Variants in ALK observed in about 807,000 individuals in gnomAD.
ALK encodes the protein ALK tyrosine kinase receptor.
ALK carries 74 observed loss-of-function variants against 163.1 expected under a neutral mutation model. The ratio of observed to expected loss-of-function variants is 0.45; its 90% CI spans 0.38 to 0.55. The LOEUF (loss-of-function observed/expected upper bound fraction) is 0.55, where lower values mean the gene tolerates loss of function less well. Among genes scored for constraint, ALK ranks in the 20% least tolerant of loss-of-function variants. ALK has a pLI of 0.00. For synonymous variants in ALK, 960 were observed against 843.2 expected (o/e 1.14, Z -2.40); for missense variants, 2,063 against 2,105.3 (o/e 0.98, Z 0.39).
chr2:29,404,983 A>C (rs555879264), intron 4 of ALK, among the ~76,000 whole-genome samples: 2 of 152,346 alleles, frequency 1.3e-5, no homozygotes, highest in South Asian at 4.1e-4. Context: ...TTTAAAGCTC[A>C]AATGCCCTAG....
At chr2:29,411,132 A>G (rs149312119) in intron 4 of ALK, among the ~76,000 whole-genome samples, 139 of 152,330 alleles carry the variant, frequency 9.1e-4, no homozygotes, top group African/African-American at 3.2e-3. Flanking sequence ...AAACTAAGAC[A>G]CGAACATGCA....
chr2:29,837,637 G>C (rs1665595563), intron 1 of ALK, among the ~76,000 whole-genome samples: 1 of 152,178 alleles, frequency 6.6e-6, no homozygotes, highest in Non-Finnish European at 1.5e-5. Context: ...CTAGGTTAAA[G>C]ACTACTTTAG....
chr2:29,560,789 C>T (rs1004728166), intron 3 of ALK, among the ~76,000 whole-genome samples: 1 of 152,058 alleles, frequency 6.6e-6, no homozygotes, highest in Non-Finnish European at 1.5e-5. Flanking sequence ...CCAGGCTGGT[C>T]TCGAACTCCT....
chr2:29,299,414 A>G (rs1329485098), intron 8 of ALK, among the ~76,000 whole-genome samples: 1 of 152,236 alleles, frequency 6.6e-6, no homozygotes, highest in Admixed American at 6.5e-5. Context: ...ATGCTGGGTC[A>G]CATGAATTCT....
intron 3 of ALK, among the ~76,000 whole-genome samples, chr2:29,691,307 AC>A (rs1354633185): frequency 3.3e-5 from 5 of 152,022 alleles, no homozygotes; most frequent in Admixed American, 3.3e-4. Context: ...ACTCCATTAG[AC>A]CCCAGACAAA....
chr2:29,442,563 C>T (rs916524017), intron 4 of ALK, among the ~76,000 whole-genome samples: 2 of 152,110 alleles, frequency 1.3e-5, no homozygotes, highest in Non-Finnish European at 2.9e-5. Context: ...GGGTACTCTC[C>T]CTTAGCCTTT....
At chr2:29,662,074 T>C (rs1471364318) in intron 3 of ALK, among the ~76,000 whole-genome samples, 1 of 152,024 alleles carries the variant, frequency 6.6e-6, no homozygotes, top group Non-Finnish European at 1.5e-5. Flanking sequence ...CATGCCTGGC[T>C]AATTTGTTTG....
intron 4 of ALK, among the ~76,000 whole-genome samples, chr2:29,463,273 G>T (rs1259868998): frequency 6.6e-6 from 1 of 152,200 alleles, no homozygotes; most frequent in Non-Finnish European, 1.5e-5. Context: ...TGGATTGACT[G>T]TTGCAGCAAG....
chr2:29,369,440 G>A (rs150875425), intron 5 of ALK, among the ~76,000 whole-genome samples: 1 of 152,272 alleles, frequency 6.6e-6, no homozygotes, highest in African/African-American at 2.4e-5. Flanking sequence ...TTAGAGTAAG[G>A]ATGAAAAGAG....
intron 4 of ALK, among the ~76,000 whole-genome samples, chr2:29,402,967 G>T (rs1043778836): frequency 1.3e-5 from 2 of 152,068 alleles, no homozygotes; most frequent in Non-Finnish European, 2.9e-5. Flanking sequence ...GTGGCTCAAA[G>T]CAGCTGGTTG....
At chr2:29,594,498 G>A (rs971090095) in intron 3 of ALK, among the ~76,000 whole-genome samples, 1 of 145,886 alleles carries the variant, frequency 6.9e-6, no homozygotes, top group Non-Finnish European at 1.5e-5. Context: ...GCACAATCTC[G>A]GCTCACTGCA....
intron 20 of ALK, 79 bp downstream of exon 20, chr2:29,223,263 G>C (rs527268525): frequency 6.6e-7 from 1 of 1,519,236 alleles, no homozygotes; most frequent in Non-Finnish European, 9.0e-7. Flanking sequence ...TTTGTGGCTA[G>C]AGGAGTCTGC....
chr2:29,551,610 G>A (rs1369445921), intron 3 of ALK, among the ~76,000 whole-genome samples: 1 of 152,120 alleles, frequency 6.6e-6, no homozygotes, highest in South Asian at 2.1e-4. Flanking sequence ...CCACCATGCT[G>A]TATAAACAAC....
rs753549939 is a variant in ALK at position 29,531,955 on chromosome 2, C to T, written c.1114G>A (p.Ala372Thr). 7 of 1,614,030 alleles carry T rather than the reference C, an allele frequency of 4.3e-6. No individual in the cohort carries two copies. Among genetic ancestry groups the T allele is most frequent in the African/African-American group, 2.7e-5 (2 of 74,930 alleles). The change falls in exon 4 of 29, where the codon GCA (alanine) becomes ACA (threonine). Residue 372 changes from alanine (A) to threonine (T), a missense_variant. Coordinates refer to ENST00000389048, the MANE Select transcript of ALK (RefSeq NM_004304.5). The stretch of plus-strand genomic sequence containing the variant: ...GTGGGCATCAGGAGGATCTCTCTTG[C>T]AGCCTCGTTGTGGGGCAGCAGCTGG... Reference protein sequence around the residue: ...IAQLLPHNEAAREILLMPTPG... With the variant: ...IAQLLPHNEATREILLMPTPG...
intron 3 of ALK, among the ~76,000 whole-genome samples, chr2:29,591,669 A>T (rs1409970367): frequency 6.6e-6 from 1 of 152,208 alleles, no homozygotes; most frequent in Non-Finnish European, 1.5e-5. Flanking sequence ...GCAAGGAGTG[A>T]CAGCAGGGCT....
intron 4 of ALK, among the ~76,000 whole-genome samples, chr2:29,421,063 T>C (rs1202848171): frequency 6.6e-6 from 1 of 151,486 alleles, no homozygotes; most frequent in Non-Finnish European, 1.5e-5. Flanking sequence ...AGGGCAGCTG[T>C]GGCGAAACAG....
chr2:29,221,236 G>C (rs758095792), intron 22 of ALK: 1 of 531,212 alleles, frequency 1.9e-6, no homozygotes, highest in South Asian at 1.5e-5. Flanking sequence ...TTCCAAGAGA[G>C]ACTGGGTGAG....
chr2:29,853,449 T>C (rs1237694612), intron 1 of ALK, among the ~76,000 whole-genome samples: 2 of 152,162 alleles, frequency 1.3e-5, no homozygotes, highest in African/African-American at 4.8e-5. Context: ...AGCAAGTCTG[T>C]TCATGCCACC....
intron 3 of ALK, among the ~76,000 whole-genome samples, chr2:29,595,578 C>G (rs1470555555): frequency 6.6e-6 from 1 of 152,130 alleles, no homozygotes; most frequent in Non-Finnish European, 1.5e-5. Context: ...CCTCGGCCTC[C>G]CAAAGTGCTG....
Sources: gnomAD v4.1 joint callset for allele counts (sites outside exome capture counted in the v4.1 genomes callset) on GRCh38, gnomAD v4.1.1 for gene constraint, MANE v1.5 for transcripts, NCBI Gene and HGNC (gene_info 2026-07-23, HGNC 2026-07-21) for gene names.